Variants in ATOSA observed in about 807,000 individuals in gnomAD.
ATOSA encodes atos homolog protein A.
At chr15:52,699,974 G>C in the ATOSA span, among the ~76,000 whole-genome samples, 3 of 152,100 alleles carry the variant, frequency 2.0e-5, no homozygotes, top group African/African-American at 7.2e-5. Flanking sequence ...AACACAGCTT[G>C]TTTTTCCTTA....
chr15:52,613,708 T>C, the ATOSA span: 9 of 1,613,936 alleles, frequency 5.6e-6, no homozygotes, highest in Non-Finnish European at 7.6e-6. Flanking sequence ...TGTTTGGTAG[T>C]TACTGGGTAA....
the ATOSA span, among the ~76,000 whole-genome samples, chr15:52,654,621 T>C: frequency 6.6e-6 from 1 of 152,254 alleles, no homozygotes; most frequent in South Asian, 2.1e-4. Context: ...GTTCTCTAAA[T>C]GGACAGTTCA....
the ATOSA span, among the ~76,000 whole-genome samples, chr15:52,592,245 T>TAAGTTAGG: frequency 1.6e-4 from 24 of 152,138 alleles, no homozygotes; most frequent in African/African-American, 5.8e-4. Context: ...GGCCAGATAG[T>TAAGTTAGG]AAGTTAGGAA....
the ATOSA span, among the ~76,000 whole-genome samples, chr15:52,660,187 TCTAATAAATA>T: frequency 6.6e-6 from 1 of 152,184 alleles, no homozygotes; most frequent in South Asian, 2.1e-4. Context: ...TTATCAAGCA[TCTAATAAATA>T]CTAATTCTGT....
the ATOSA span, chr15:52,609,236 C>T: frequency 0.69 from 1,109,609 of 1,612,016 alleles, 396,404 homozygotes; most frequent in Non-Finnish European, 0.74. Context: ...TTATTAGGTA[C>T]TAAGTTTTTC....
At chr15:52,588,188 T>C in the ATOSA span, among the ~76,000 whole-genome samples, 1 of 152,272 alleles carries the variant, frequency 6.6e-6, no homozygotes, top group Non-Finnish European at 1.5e-5. Flanking sequence ...CCTTACAAAG[T>C]CAAATATACA....
chr15:52,680,824 T>C, the ATOSA span, among the ~76,000 whole-genome samples: 1 of 152,248 alleles, frequency 6.6e-6, no homozygotes, highest in South Asian at 2.1e-4. Flanking sequence ...TTTGATATTA[T>C]TGAATACTGT....
At chr15:52,660,030 T>C in the ATOSA span, among the ~76,000 whole-genome samples, 2 of 152,146 alleles carry the variant, frequency 1.3e-5, no homozygotes, top group East Asian at 3.8e-4. Context: ...ATGGTACAGT[T>C]AGAGATATAA....
At chr15:52,586,337 C>G in the ATOSA span, 2 of 152,044 alleles carry the variant, frequency 1.3e-5, no homozygotes, top group East Asian at 1.9e-4. Flanking sequence ...TATACAGATT[C>G]CTTGCAGTAT....
chr15:52,621,504 C>G, the ATOSA span, among the ~76,000 whole-genome samples: 2 of 151,964 alleles, frequency 1.3e-5, no homozygotes, highest in Non-Finnish European at 2.9e-5. Context: ...TGGCTGTGTC[C>G]CCACCCAAAT....
the ATOSA span, among the ~76,000 whole-genome samples, chr15:52,653,363 G>A: frequency 6.6e-6 from 1 of 152,154 alleles, no homozygotes; most frequent in Non-Finnish European, 1.5e-5. Context: ...GATTCCTGGA[G>A]TTCTATAGTA....
chr15:52,699,224 T>G, the ATOSA span, among the ~76,000 whole-genome samples: 4 of 152,168 alleles, frequency 2.6e-5, no homozygotes, highest in African/African-American at 9.7e-5. Flanking sequence ...ACTGTCTACT[T>G]ACTCTCTGCT....
chr15:52,597,183 C>T, the ATOSA span, among the ~76,000 whole-genome samples: 34 of 48,530 alleles, frequency 7.0e-4, no homozygotes, highest in African/African-American at 2.1e-3. Flanking sequence ...CTATTCTATT[C>T]TATTCTATTC....
the ATOSA span, among the ~76,000 whole-genome samples, chr15:52,641,856 G>A: frequency 6.6e-5 from 10 of 152,136 alleles, no homozygotes; most frequent in Non-Finnish European, 1.0e-4. Flanking sequence ...AGTATCCTTT[G>A]ATAAAGATAA....
the ATOSA span, among the ~76,000 whole-genome samples, chr15:52,614,159 G>A: frequency 6.6e-6 from 1 of 152,038 alleles, no homozygotes; most frequent in African/African-American, 2.4e-5. Flanking sequence ...AGGCTGGAGT[G>A]CAATGGCGCA....
the ATOSA span, among the ~76,000 whole-genome samples, chr15:52,702,421 C>A: frequency 6.6e-6 from 1 of 152,140 alleles, no homozygotes; most frequent in African/African-American, 2.4e-5. Flanking sequence ...GAATACCACA[C>A]AACCATAAAA....
chr15:52,607,167 TA>T, the ATOSA span, among the ~76,000 whole-genome samples: 1 of 152,128 alleles, frequency 6.6e-6, no homozygotes, highest in Non-Finnish European at 1.5e-5. Context: ...TACGGTCACT[TA>T]AGGCCTAAAC....
the ATOSA span, chr15:52,611,115 TGGCCCTAG>T: frequency 1.9e-6 from 3 of 1,589,834 alleles, no homozygotes; most frequent in Admixed American, 3.8e-5. Flanking sequence ...CCTTTTTTTT[TGGCCCTAG>T]ACATACCTGT....
At chr15:52,584,551 C>G in the ATOSA span, among the ~76,000 whole-genome samples, 1 of 152,072 alleles carries the variant, frequency 6.6e-6, no homozygotes, top group African/African-American at 2.4e-5. Context: ...GAAAACTTCC[C>G]TAATTCAACA....
Sources: gnomAD v4.1 joint callset for allele counts (sites outside exome capture counted in the v4.1 genomes callset) on GRCh38, gnomAD v4.1.1 for gene constraint, MANE v1.5 for transcripts, NCBI Gene and HGNC (gene_info 2026-07-23, HGNC 2026-07-21) for gene names.